The following CNTNAP2 variants were observed in gnomAD, a reference collection of about 807,000 sequenced individuals.
CNTNAP2 encodes the protein contactin associated protein 2.
CNTNAP2 carries 98 observed loss-of-function variants against 155.2 expected under a neutral mutation model. The observed-to-expected ratio is 0.63, with a 90% CI of 0.54 to 0.75. CNTNAP2 has a LOEUF of 0.75. Among genes scored for constraint, CNTNAP2 ranks in the 30% least tolerant of loss-of-function variants. CNTNAP2 has a pLI of 0.00. For synonymous variants in CNTNAP2, 651 were observed against 631.2 expected, an observed-to-expected ratio of 1.03 and a Z score of -0.47; for missense variants, 1,727 against 1,688.1, an observed-to-expected ratio of 1.02 and a Z score of -0.40.
chr7:146,325,015 T>A (rs771620672), intron 1 of CNTNAP2, among the ~76,000 whole-genome samples: 12 of 152,062 alleles, frequency 7.9e-5, no homozygotes, highest in Non-Finnish European at 1.3e-4. Flanking sequence ...GCTCACTGCA[T>A]CCTCTACGTT....
At chr7:146,485,882 G>A (rs1189185607) in intron 1 of CNTNAP2, among the ~76,000 whole-genome samples, 1 of 151,894 alleles carries the variant, frequency 6.6e-6, no homozygotes. Context: ...ATTAAAAATT[G>A]ATATAGAATC....
At chr7:148,109,153 T>C (rs1236594465) in intron 15 of CNTNAP2, among the ~76,000 whole-genome samples, 2 of 152,134 alleles carry the variant, frequency 1.3e-5, no homozygotes, top group African/African-American at 4.8e-5. Context: ...ATCAGTGTAG[T>C]AGTAAGTAAT....
At chr7:147,475,462 T>G (rs1028515047) in intron 10 of CNTNAP2, among the ~76,000 whole-genome samples, 6 of 150,864 alleles carry the variant, frequency 4.0e-5, no homozygotes, top group African/African-American at 1.2e-4. Context: ...AAGTTATGTG[T>G]TTTTTTTTCT....
chr7:147,845,206 C>T (rs1329768554), intron 13 of CNTNAP2, among the ~76,000 whole-genome samples: 2 of 108,610 alleles, frequency 1.8e-5, no homozygotes, highest in Non-Finnish European at 3.8e-5. Flanking sequence ...TAGAATTCGG[C>T]TGTGAATCCA....
At chr7:146,739,311 G>A (rs2129180765) in intron 1 of CNTNAP2, among the ~76,000 whole-genome samples, 1 of 151,914 alleles carries the variant, frequency 6.6e-6, no homozygotes, top group Admixed American at 6.5e-5. Flanking sequence ...TCTTAGAATT[G>A]CTTTTGCTCT....
intron 2 of CNTNAP2, among the ~76,000 whole-genome samples, chr7:146,800,561 G>T (rs1467627159): frequency 6.6e-6 from 1 of 152,172 alleles, no homozygotes; most frequent in Admixed American, 6.5e-5. Flanking sequence ...TATGCAGGTT[G>T]TTCAAAGCTG....
chr7:146,218,573 A>C (rs1799155246), intron 1 of CNTNAP2, among the ~76,000 whole-genome samples: 1 of 152,062 alleles, frequency 6.6e-6, no homozygotes, highest in South Asian at 2.1e-4. Context: ...AAAATAAATA[A>C]ACGAAAAAAT....
At position 147,823,396 on chromosome 7, in the gene CNTNAP2, T is replaced by C. The variant is rs567213166; in HGVS notation, c.2099-80169T>C. Among the ~76,000 whole-genome samples, 208 of 152,276 alleles carry C rather than the reference T, an allele frequency of 1.4e-3. 1 individual carries two copies. Among genetic ancestry groups the C allele is most frequent in the African/African-American group, 4.8e-3 (201 of 41,558 alleles). On this transcript the variant is annotated intron_variant, in intron 13 of 23. Coordinates refer to ENST00000361727, the MANE Select transcript of CNTNAP2 (RefSeq NM_014141.6). ...TCTTAAATGAGATTTCTACGTTGTT[T>C]AGTTGTTTACTCCTCTAGCATAAGG... is the stretch of plus-strand genomic sequence containing the variant.
Position 147,554,272 on chromosome 7 carries a change from T to C in CNTNAP2, c.1778-7866T>C, listed in dbSNP as rs150134664. 6.5e-3 allele frequency among the ~76,000 whole-genome samples: 983 copies of C among 152,184 alleles called. 8 individuals carry two copies. The highest frequency in any genetic ancestry group is 0.023 in the African/African-American group (937 of 41,530). On this transcript the variant is annotated intron_variant, in intron 11 of 23. Transcript: ENST00000361727. ...ATATTGTGGAGTGCAGGTCAAAGAA[T>C]ACCAAGAATGGATATTGAAGTCTCC...
At chr7:147,782,869 T>C (rs1481080205) in intron 13 of CNTNAP2, among the ~76,000 whole-genome samples, 1 of 152,232 alleles carries the variant, frequency 6.6e-6, no homozygotes, top group Non-Finnish European at 1.5e-5. Context: ...TCTGTGATTG[T>C]CACCTTAGGG....
chr7:147,334,692 T>A (rs1795635985), intron 9 of CNTNAP2, among the ~76,000 whole-genome samples: 1 of 152,142 alleles, frequency 6.6e-6, no homozygotes, highest in Admixed American at 6.6e-5. Context: ...TGAGAGTAGA[T>A]AACCCTCTCT....
At chr7:147,956,025 A>C (rs1585047557) in intron 14 of CNTNAP2, among the ~76,000 whole-genome samples, 2 of 152,186 alleles carry the variant, frequency 1.3e-5, no homozygotes, top group Admixed American at 6.5e-5. Flanking sequence ...CAAATCTTTA[A>C]AAGAAAATTC....
At chr7:146,119,468 A>G (rs7782911) in intron 1 of CNTNAP2, among the ~76,000 whole-genome samples, 1,527 of 152,274 alleles carry the variant, frequency 0.01, 29 homozygotes, top group African/African-American at 0.035. Flanking sequence ...TAAAAATATA[A>G]TCTAATTTCT....
At chr7:147,202,816 A>G (rs578234254) in intron 8 of CNTNAP2, among the ~76,000 whole-genome samples, 8 of 151,438 alleles carry the variant, frequency 5.3e-5, no homozygotes, top group African/African-American at 1.9e-4. Flanking sequence ...GGGCTGGGGT[A>G]GTGATAGCAT....
rs530744762 is a variant in CNTNAP2 at position 148,007,044 on chromosome 7, C to T, written c.2383+29055C>T. ...ATTTCAGAGAGCAGTTCTTAACTGA[C>T]TTGGAAAAGCCTAAGAGCCAAACAA... On this transcript the variant is annotated intron_variant, in intron 15 of 23. Coordinates refer to ENST00000361727, the MANE Select transcript of CNTNAP2 (RefSeq NM_014141.6). Among the ~76,000 whole-genome samples the T allele has an allele frequency of 3.3e-5, 5 of 152,302 alleles. No individual in the cohort carries two copies. The South Asian group carries it at 8.3e-4, about 25-fold the overall frequency.
At chr7:148,109,177 C>A (rs1394596280) in intron 15 of CNTNAP2, among the ~76,000 whole-genome samples, 2 of 152,110 alleles carry the variant, frequency 1.3e-5, no homozygotes, top group African/African-American at 4.8e-5. Context: ...ATTTGTTGAT[C>A]TTTTGTTTTG....
At chr7:147,573,367 TAGGCAAAAAC>T (rs1563003546) in intron 12 of CNTNAP2, among the ~76,000 whole-genome samples, 5 of 152,206 alleles carry the variant, frequency 3.3e-5, no homozygotes, top group African/African-American at 1.2e-4. Context: ...AAAGTGAGAT[TAGGCAAAAAC>T]TTGCTGTATC....
chr7:147,615,247 T>C, intron 12 of CNTNAP2, among the ~76,000 whole-genome samples: 1 of 74,880 alleles, frequency 1.3e-5, no homozygotes, highest in Non-Finnish European at 2.3e-5. Context: ...CACTCCAGCT[T>C]GGGTGACGGA....
chr7:146,973,934 G>A (rs1237143266), intron 3 of CNTNAP2, among the ~76,000 whole-genome samples: 2 of 152,176 alleles, frequency 1.3e-5, no homozygotes, highest in Admixed American at 1.3e-4. Flanking sequence ...GTCCTACCAT[G>A]AATTACATTC....
Sources: gnomAD v4.1 joint callset for allele counts (sites outside exome capture counted in the v4.1 genomes callset) on GRCh38, gnomAD v4.1.1 for gene constraint, MANE v1.5 for transcripts, NCBI Gene and HGNC (gene_info 2026-07-23, HGNC 2026-07-21) for gene names.